The following ABCC1 variants were observed in gnomAD, a reference collection of about 807,000 sequenced individuals.
ABCC1 encodes the protein ATP binding cassette subfamily C member 1 (ABCC1 blood group).
In ABCC1, 83 loss-of-function variants were observed where a neutral mutation model predicts 172.9. The observed-to-expected ratio is 0.48, with a 90% CI of 0.40 to 0.58. ABCC1 has a LOEUF of 0.58. ABCC1 is among the 20% of genes least tolerant of loss of function. The pLI is 0.00. For synonymous variants in ABCC1, 937 were observed against 825.2 expected, an observed-to-expected ratio of 1.14 and a Z score of -2.32; for missense variants, 1,817 against 2,002.7, an observed-to-expected ratio of 0.91 and a Z score of 1.77.
chr16:16,119,706 C>A (rs1470704349), intron 23 of ABCC1, among the ~76,000 whole-genome samples: 2 of 152,110 alleles, frequency 1.3e-5, no homozygotes, highest in East Asian at 1.9e-4. Flanking sequence ...AAAATAAGAT[C>A]ATTCCTGAAC....
At chr16:16,134,841 T>C (rs1002689253) in intron 28 of ABCC1, among the ~76,000 whole-genome samples, 1 of 152,192 alleles carries the variant, frequency 6.6e-6, no homozygotes, top group African/African-American at 2.4e-5. Context: ...GGGGTTCCAC[T>C]GTGTTGCCCA....
intron 1 of ABCC1, among the ~76,000 whole-genome samples, chr16:15,953,775 C>G (rs998033490): frequency 6.6e-6 from 1 of 152,146 alleles, no homozygotes; most frequent in South Asian, 2.1e-4. Flanking sequence ...AACTCAGTAA[C>G]CCCCTGAATA....
chr16:16,022,560 C>T (rs1251026859), intron 5 of ABCC1, among the ~76,000 whole-genome samples: 1 of 152,088 alleles, frequency 6.6e-6, no homozygotes, highest in Non-Finnish European at 1.5e-5. Flanking sequence ...CGGAAGCTTG[C>T]TAGAAATGCT....
chr16:16,008,702 G>A (rs530786476), intron 2 of ABCC1, among the ~76,000 whole-genome samples: 1,781 of 151,820 alleles, frequency 0.012, 37 homozygotes, highest in African/African-American at 0.041. Flanking sequence ...AATGAGCTGG[G>A]TGTGGTGGCA....
Position 16,046,085 on chromosome 16 carries a change from G to C in ABCC1, c.1218+72G>C. ...CTCCTGCAGCCCTGGGTTACTCTGG[G>C]GCCAGCGTGGGGATTTCCAGCCCAG... On this transcript the variant is annotated intron_variant, in intron 9 of 30. Transcript: ENST00000399410. 4.6e-6 allele frequency: 7 copies of C among 1,525,056 alleles called. No individual in the cohort carries two copies. The South Asian group carries it at 6.0e-5, about 13-fold the overall frequency. The allele number at this position is 1,525,056 out of a possible 1,614,324, so 94.5% of individuals were successfully genotyped here.
chr16:16,005,872 T>G (rs2047511207), intron 1 of ABCC1, among the ~76,000 whole-genome samples: 1 of 151,882 alleles, frequency 6.6e-6, no homozygotes, highest in Non-Finnish European at 1.5e-5. Context: ...GAGAATCACT[T>G]GAACCCGGGA....
At chr16:16,024,606 C>T (rs1248218492) in intron 5 of ABCC1, among the ~76,000 whole-genome samples, 1 of 152,150 alleles carries the variant, frequency 6.6e-6, no homozygotes, top group Non-Finnish European at 1.5e-5. Flanking sequence ...CCTGCCTTGG[C>T]CTCCCAAAAT....
At chr16:15,989,911 C>T (rs1391284981) in intron 1 of ABCC1, among the ~76,000 whole-genome samples, 3 of 152,144 alleles carry the variant, frequency 2.0e-5, no homozygotes, top group Non-Finnish European at 4.4e-5. Context: ...TGGTCTCACT[C>T]TGTCACCCAG....
chr16:16,138,542 A>G lies in ABCC1; in HGVS notation c.4471A>G (p.Ile1491Val), dbSNP rs2046005899. Residue 1491 changes from isoleucine to valine, a missense_variant, in exon 30 of 31, where the codon ATC becomes GTC. By Grantham distance (29) the Ile-to-Val change is conservative. This residue lies in a region of ABCC1 where 1,412 missense variants were observed against 1,600.3 expected (regional missense o/e 0.88). Transcript: ENST00000399410. ...CACCATCGCCCACCGGCTCAACACC[A>G]TCATGGACTACACAAGGTGATGCCA... ...VLTIAHRLNTIMDYTRVIVLD... is the reference protein window; with the variant it reads ...VLTIAHRLNTVMDYTRVIVLD... The G allele has an allele frequency of 1.9e-6, 3 of 1,596,542 alleles. No homozygotes were observed. The highest frequency in any genetic ancestry group is 3.4e-5 in the Admixed American group (2 of 59,492).
chr16:16,086,875 G>T lies in ABCC1; in HGVS notation c.2344G>T (p.Val782Leu), dbSNP rs376727124. 6.2e-7 allele frequency: 1 copy of T among 1,614,160 alleles called. No homozygotes were observed. The highest frequency in any genetic ancestry group is 8.5e-7 in the Non-Finnish European group (1 of 1,180,056). Residue 782 changes from valine to leucine, a missense_variant, in exon 18 of 31, where the codon GTG becomes TTG. Transcript: ENST00000399410. ...GCAGCGCGTGAGCCTGGCCCGGGCC[G>T]TGTACTCCAACGCTGACATTTACCT... The part of the protein sequence containing the change: ...QKQRVSLARA[V>L]YSNADIYLFD...
At chr16:16,020,927 G>A (rs761948498) in intron 5 of ABCC1, among the ~76,000 whole-genome samples, 1 of 152,106 alleles carries the variant, frequency 6.6e-6, no homozygotes, top group Non-Finnish European at 1.5e-5. Flanking sequence ...GCAGAGATTC[G>A]AACTCACGAC....
At chr16:16,098,324 C>T (rs149933135) in intron 19 of ABCC1, 1,997 of 174,378 alleles carry the variant, frequency 0.011, 15 homozygotes, top group Non-Finnish European at 0.019. Flanking sequence ...TGGTTAAACA[C>T]AGTTATGACT....
At chr16:16,131,311 C>G (rs767556212) in intron 26 of ABCC1, among the ~76,000 whole-genome samples, 1 of 152,186 alleles carries the variant, frequency 6.6e-6, no homozygotes, top group Non-Finnish European at 1.5e-5. Flanking sequence ...CATGTCCTCT[C>G]AGTTTCTGTG....
chr16:15,968,892 T>G (rs566134473), intron 1 of ABCC1, among the ~76,000 whole-genome samples: 6 of 140,302 alleles, frequency 4.3e-5, no homozygotes, highest in African/African-American at 1.8e-4. Flanking sequence ...CCAGCTAATA[T>G]TTTTTCTTTT....
intron 5 of ABCC1, among the ~76,000 whole-genome samples, chr16:16,026,643 C>T (rs749104120): frequency 4.6e-5 from 7 of 151,250 alleles, no homozygotes; most frequent in Admixed American, 1.3e-4. Context: ...TTGCTGGGCG[C>T]GGTGGGTCAT....
At chr16:16,139,857 C>G (rs1467202629) in intron 30 of ABCC1, among the ~76,000 whole-genome samples, 1 of 152,076 alleles carries the variant, frequency 6.6e-6, no homozygotes, top group Admixed American at 6.6e-5. Context: ...AAGGAGTCAG[C>G]CTTGAGAAGA....
chr16:16,044,530 T>A lies in ABCC1; in HGVS notation c.890T>A (p.Val297Glu). The change falls in exon 8 of 31, where the codon GTG (valine) becomes GAG (glutamate). Residue 297 changes from valine (V) to glutamate (E), a missense_variant. Val to Glu is a moderately radical substitution (Grantham distance 121, BLOSUM62 -2). This residue lies in a region of ABCC1 where 398 missense variants were observed against 384.2 expected (regional missense o/e 1.04). Coordinates refer to ENST00000399410, the MANE Select transcript of ABCC1 (RefSeq NM_004996.4). ...TCCAAGGTGGATGCGAATGAGGAGGTGGAGGCTTTGATCGTCAAGTCCCCA... is the reference window on the plus strand; with the variant it reads ...TCCAAGGTGGATGCGAATGAGGAGGAGGAGGCTTTGATCGTCAAGTCCCCA... ...ESSKVDANEE[V>E]EALIVKSPQK... The A allele has an allele frequency of 6.2e-7, 1 of 1,614,030 alleles. No homozygotes were observed. The highest frequency in any genetic ancestry group is 8.5e-7 in the Non-Finnish European group (1 of 1,180,010).
At chr16:16,111,664 C>T in intron 22 of ABCC1, 82 bp downstream of exon 22, 1 of 1,328,968 alleles carries the variant, frequency 7.5e-7, no homozygotes, top group Non-Finnish European at 1.0e-6. Flanking sequence ...TCCTTAGAGT[C>T]CTCAGCGTTT....
At chr16:16,033,287 A>G (rs2151832429) in intron 6 of ABCC1, 117 bp downstream of exon 6, 8 of 1,042,684 alleles carry the variant, frequency 7.7e-6, no homozygotes, top group East Asian at 7.4e-5. Context: ...GCTCTTCTGC[A>G]GAGTTGTCTT....
Sources: allele counts gnomAD v4.1 joint callset (sites outside exome capture counted in the v4.1 genomes callset), GRCh38; gene constraint gnomAD v4.1.1; regional missense constraint gnomAD v4.1.1; transcripts MANE v1.5; gene names NCBI Gene and HGNC (gene_info 2026-07-23, HGNC 2026-07-21).